POM121: variants seen among roughly 807,000 people sequenced by gnomAD.
POM121 encodes nuclear envelope pore membrane protein POM 121.
In POM121, 32 loss-of-function variants were observed where a neutral mutation model predicts 81.3. The observed-to-expected ratio is 0.39, with a 90% CI of 0.30 to 0.53. The LOEUF (loss-of-function observed/expected upper bound fraction) is 0.53, where lower values mean the gene tolerates loss of function less well. Ranked by LOEUF, POM121 falls within the 20% of genes least tolerant of loss-of-function variation. POM121 has a pLI of 0.66. For missense variants in POM121, 1,138 were observed against 1,614.6 expected (o/e 0.70, Z 5.06); for synonymous variants, 514 against 694.2 (o/e 0.74, Z 4.08).
rs534066745 is a variant in POM121 at position 72,891,164 on chromosome 7, G to A, written c.-216+54G>A. On this transcript the variant is annotated intron_variant, in intron 3 of 15. Coordinates refer to the POM121 transcript ENST00000395270. ...AAATGCTCATCCCAGACCTTTGGGA[G>A]TGACTAAAGAGTTGTTTATATGTAT... The A allele has an allele frequency of 3.8e-5, 25 of 655,258 alleles. No homozygotes were observed. In the African/African-American group the frequency reaches 3.8e-4, roughly 10 times the overall value. The allele number at this position is 655,258 out of a possible 1,614,324, so 40.6% of individuals were successfully genotyped here.
chr7:72,945,081 C>T (rs1797536473), intron 11 of POM121, among the ~76,000 whole-genome samples: 1 of 152,068 alleles, frequency 6.6e-6, no homozygotes, highest in African/African-American at 2.4e-5. Context: ...GCCCTGAGAG[C>T]AGCCATCCCT....
At position 72,948,274 on chromosome 7, in the gene POM121, A is replaced by G; in HGVS notation, c.*2040A>G. On this transcript the variant is annotated 3_prime_UTR_variant, in exon 13 of 13. Transcript: ENST00000434423. ...GATTTTTCTCCTGCTTGTGACATTA[A>G]GAATAAAAAACTGTGATCTATCGTA... 1 of 1,497,420 alleles carries G rather than the reference A, an allele frequency of 6.7e-7. No homozygotes were observed. The highest frequency in any genetic ancestry group is 8.9e-7 in the Non-Finnish European group (1 of 1,123,800). The allele number at this position is 1,497,420 out of a possible 1,614,324, so 92.8% of individuals were successfully genotyped here.
chr7:72,891,373 A>G (rs11766532), intron 3 of POM121, among the ~76,000 whole-genome samples: 3 of 151,990 alleles, frequency 2.0e-5, no homozygotes, highest in South Asian at 4.2e-4. Context: ...TTACTCCCTC[A>G]CCATTAGAGA....
At chr7:72,894,217 C>T (rs551753824) in intron 3 of POM121, among the ~76,000 whole-genome samples, 13 of 152,100 alleles carry the variant, frequency 8.5e-5, no homozygotes, top group African/African-American at 1.4e-4. Flanking sequence ...GAGGAGAGAA[C>T]GCACCACTGC....
At chr7:72,907,997 ATTG>A (rs1563143211) in intron 3 of POM121, among the ~76,000 whole-genome samples, 3 of 152,118 alleles carry the variant, frequency 2.0e-5, no homozygotes, top group African/African-American at 7.2e-5. Context: ...TATGATACAG[ATTG>A]GATCATTTCT....
chr7:72,943,114 A>C lies in POM121; in HGVS notation c.3121A>C (p.Lys1041Gln). 6.2e-7 allele frequency: 1 copy of C among 1,613,272 alleles called. No individual in the cohort carries two copies. The highest frequency in any genetic ancestry group is 8.5e-7 in the Non-Finnish European group (1 of 1,179,706). ...GGATHSAFGL[K>Q]ATASAFGAPA... Reference sequence around the variant, plus strand: ...TGCCACGCACTCGGCGTTTGGGTTGAAAGCCACGGCTTCGGCCTTCGGCGC... The same window carrying C: ...TGCCACGCACTCGGCGTTTGGGTTGCAAGCCACGGCTTCGGCCTTCGGCGC... Residue 1041 changes from lysine to glutamine, a missense_variant, in exon 11 of 13, where the codon AAA becomes CAA. Transcript: ENST00000434423.
At chr7:72,894,290 A>T (rs1403409109) in intron 3 of POM121, among the ~76,000 whole-genome samples, 1 of 133,906 alleles carries the variant, frequency 7.5e-6, no homozygotes, top group African/African-American at 3.0e-5. Flanking sequence ...ATAAATAAAG[A>T]CTCTAGGCCA....
At chr7:72,891,718 T>G (rs551352479) in intron 3 of POM121, among the ~76,000 whole-genome samples, 1 of 152,342 alleles carries the variant, frequency 6.6e-6, no homozygotes, top group East Asian at 1.9e-4. Context: ...TACAGAATTG[T>G]TTCATTCTGG....
chr7:72,902,255 CTTTTTTT>C (rs1210238081), intron 3 of POM121, among the ~76,000 whole-genome samples: 3 of 126,620 alleles, frequency 2.4e-5, no homozygotes, highest in Non-Finnish European at 5.1e-5. Flanking sequence ...CTTTTTCTTT[CTTTTTTT>C]TTTTTTTTTT....
At chr7:72,948,878 C>T (rs543581294), downstream of POM121, 22 of 1,607,622 alleles carry the variant, frequency 1.4e-5, no homozygotes, top group East Asian at 2.7e-4. Flanking sequence ...ACGACCCTGG[C>T]GCACGCCCTG....
chr7:72,926,573 G>A (rs1795469767), intron 2 of POM121, 96 bp downstream of exon 2: 1 of 1,561,794 alleles, frequency 6.4e-7, no homozygotes, highest in African/African-American at 1.4e-5. Context: ...AGAAAAGAAA[G>A]GACGAAGCTG....
chr7:72,935,646 A>G (rs1355151162), intron 5 of POM121, among the ~76,000 whole-genome samples: 2 of 151,060 alleles, frequency 1.3e-5, no homozygotes, highest in South Asian at 2.1e-4. Flanking sequence ...ACACCTGGCG[A>G]ATTTTTGTAG....
chr7:72,898,273 A>C (rs1792171811), intron 3 of POM121, among the ~76,000 whole-genome samples: 1 of 152,192 alleles, frequency 6.6e-6, no homozygotes, highest in African/African-American at 2.4e-5. Context: ...TTGAAAATAA[A>C]TAGACAGATG....
At chr7:72,893,818 G>T (rs1554491256) in intron 3 of POM121, among the ~76,000 whole-genome samples, 1 of 152,084 alleles carries the variant, frequency 6.6e-6, no homozygotes, top group African/African-American at 2.4e-5. Flanking sequence ...GCTCCCTTGG[G>T]TCCCAGGATC....
chr7:72,916,488 T>A (rs1213115702), intron 4 of POM121, among the ~76,000 whole-genome samples: 1 of 152,190 alleles, frequency 6.6e-6, no homozygotes, highest in Non-Finnish European at 1.5e-5. Flanking sequence ...ATGTGTGGTG[T>A]TATTTCTGAG....
At chr7:72,949,941 C>T, downstream of POM121, 1 of 1,612,576 alleles carries the variant, frequency 6.2e-7, no homozygotes, top group Non-Finnish European at 8.5e-7. Context: ...GGTCCAGCAG[C>T]ATGGCTGGGA....
chr7:72,894,576 T>TA (rs782336455), intron 3 of POM121, among the ~76,000 whole-genome samples: 1,051 of 78,222 alleles, frequency 0.013, 32 homozygotes, highest in African/African-American at 0.035. Flanking sequence ...GAAACTTCAT[T>TA]AAAAAAAAAA....
chr7:72,923,714 C>G (rs1478017277), upstream of POM121, among the ~76,000 whole-genome samples: 1 of 147,984 alleles, frequency 6.8e-6, no homozygotes, highest in Non-Finnish European at 1.5e-5. Context: ...ATTCTCCTGC[C>G]TCAGCCTCCC....
downstream of POM121, chr7:72,948,672 G>T: frequency 5.6e-6 from 9 of 1,603,926 alleles, no homozygotes; most frequent in Non-Finnish European, 7.7e-6. Context: ...ACTCACGTCG[G>T]CATCTCGACC....
Sources: gnomAD v4.1 joint callset for allele counts (sites outside exome capture counted in the v4.1 genomes callset) on GRCh38, gnomAD v4.1.1 for gene constraint, MANE v1.5 for transcripts, NCBI Gene and HGNC (gene_info 2026-07-23, HGNC 2026-07-21) for gene names.